The following BICRA variants were observed in gnomAD, a reference collection of about 807,000 sequenced individuals.
BICRA encodes the protein BRD4-interacting chromatin-remodeling complex-associated protein.
In BICRA, 31 loss-of-function variants were observed where a neutral mutation model predicts 96.9. That is an observed-to-expected ratio of 0.32 (90% CI 0.24 to 0.43). The LOEUF (loss-of-function observed/expected upper bound fraction) is 0.43, where lower values mean the gene tolerates loss of function less well. Among genes scored for constraint, BICRA ranks in the 20% least tolerant of loss-of-function variants. BICRA has a pLI of 1.00. For synonymous variants in BICRA, 1,350 were observed against 1,071.8 expected (o/e 1.26, Z -5.07); for missense variants, 2,283 against 2,190.3 (o/e 1.04, Z -0.84).
At chr19:47,660,932 G>A (rs989313026) in intron 1 of BICRA, among the ~76,000 whole-genome samples, 4 of 152,142 alleles carry the variant, frequency 2.6e-5, no homozygotes, top group African/African-American at 4.8e-5. Flanking sequence ...GCACTTTGCC[G>A]GGCGTGGTGG....
chr19:47,637,685 G>A (rs1740617166), intron 1 of BICRA, among the ~76,000 whole-genome samples: 1 of 151,994 alleles, frequency 6.6e-6, no homozygotes, highest in South Asian at 2.1e-4. Context: ...TACCCACTAC[G>A]AAGCCACTCC....
intron 1 of BICRA, among the ~76,000 whole-genome samples, chr19:47,609,627 C>G (rs1341533500): frequency 6.6e-6 from 1 of 151,504 alleles, no homozygotes; most frequent in Non-Finnish European, 1.5e-5. Context: ...CCCGTCCCGG[C>G]CCCCTCCCCT....
At chr19:47,632,967 A>G (rs1335937981) in intron 1 of BICRA, among the ~76,000 whole-genome samples, 1 of 152,022 alleles carries the variant, frequency 6.6e-6, no homozygotes, top group African/African-American at 2.4e-5. Flanking sequence ...AGATGATAGC[A>G]CCAAAGAGTT....
intron 1 of BICRA, among the ~76,000 whole-genome samples, chr19:47,661,428 G>A (rs1972703525): frequency 6.6e-6 from 1 of 151,962 alleles, no homozygotes; most frequent in Non-Finnish European, 1.5e-5. Flanking sequence ...GGTGGCCAGC[G>A]AGGAAGGGGG....
chr19:47,630,255 G>T (rs2123521818), intron 1 of BICRA, among the ~76,000 whole-genome samples: 1 of 151,224 alleles, frequency 6.6e-6, no homozygotes, highest in African/African-American at 2.4e-5. Flanking sequence ...CCGCCTCCTG[G>T]GTTCACGCCA....
chr19:47,617,945 C>T (rs1208202727), intron 1 of BICRA, among the ~76,000 whole-genome samples: 1 of 152,106 alleles, frequency 6.6e-6, no homozygotes, highest in South Asian at 2.1e-4. Flanking sequence ...AGAGTCTGTC[C>T]TGTTCTATGA....
chr19:47,639,420 G>A (rs935911146), intron 1 of BICRA, among the ~76,000 whole-genome samples: 12 of 135,052 alleles, frequency 8.9e-5, no homozygotes, highest in Middle Eastern at 4.4e-3. Flanking sequence ...TCCACCTCCC[G>A]GGTTGACACC....
At chr19:47,651,445 G>A (rs567570841) in intron 1 of BICRA, among the ~76,000 whole-genome samples, 2 of 152,058 alleles carry the variant, frequency 1.3e-5, no homozygotes, top group South Asian at 4.1e-4. Flanking sequence ...TGCACATCCT[G>A]TATGTACCCC....
chr19:47,632,166 AAG>A, intron 1 of BICRA, among the ~76,000 whole-genome samples: 1 of 152,314 alleles, frequency 6.6e-6, no homozygotes, highest in Admixed American at 6.5e-5. Context: ...TTGCTTATGC[AAG>A]AGTGTTTCCA....
chr19:47,657,491 G>T (rs1972636992), intron 1 of BICRA, among the ~76,000 whole-genome samples: 1 of 151,460 alleles, frequency 6.6e-6, no homozygotes, highest in Non-Finnish European at 1.5e-5. Flanking sequence ...CCGCCTCACA[G>T]GTTCATGGCA....
In BICRA at chr19:47,628,579, C is replaced by G. The variant is rs895479474; in HGVS notation, c.-108+19411C>G. The stretch of plus-strand genomic sequence containing the variant: ...CACGACGAAAGTCTTTGCACCATCT[C>G]CTCTTCTTTCCTTTTCCAAAGGTGA... On this transcript the variant is annotated intron_variant, in intron 1 of 14. Transcript: ENST00000594866. Among the ~76,000 whole-genome samples the G allele has an allele frequency of 2.0e-5, 3 of 152,158 alleles. No homozygotes were observed. The South Asian group carries it at 6.2e-4, about 32-fold the overall frequency.
At chr19:47,620,651 CAG>C (rs1326865151) in intron 1 of BICRA, among the ~76,000 whole-genome samples, 2 of 104,468 alleles carry the variant, frequency 1.9e-5, no homozygotes, top group Non-Finnish European at 3.5e-5. Flanking sequence ...GCTTGGGCGA[CAG>C]AGTGAGACTG....
At chr19:47,613,146 T>C (rs1051767492) in intron 1 of BICRA, among the ~76,000 whole-genome samples, 1 of 151,396 alleles carries the variant, frequency 6.6e-6, no homozygotes, top group East Asian at 1.9e-4. Context: ...GGAGGTGGGG[T>C]GTGCCCCAGG....
chr19:47,641,571 G>A (rs1972386494), intron 1 of BICRA, among the ~76,000 whole-genome samples: 1 of 152,106 alleles, frequency 6.6e-6, no homozygotes, highest in Non-Finnish European at 1.5e-5. Flanking sequence ...AGTCGCTTGA[G>A]CCCAGCAGTT....
intron 1 of BICRA, among the ~76,000 whole-genome samples, chr19:47,615,242 A>T (rs1332584152): frequency 6.6e-6 from 1 of 152,122 alleles, no homozygotes; most frequent in African/African-American, 2.4e-5. Context: ...TTGGCCTCCC[A>T]ATGTGCTGGG....
chr19:47,668,029 G>A (rs1336207759), intron 1 of BICRA, among the ~76,000 whole-genome samples: 1 of 149,780 alleles, frequency 6.7e-6, no homozygotes, highest in African/African-American at 2.5e-5. Context: ...CAGGAGTTCA[G>A]ACCAGCCTGG....
intron 1 of BICRA, among the ~76,000 whole-genome samples, chr19:47,613,062 C>T (rs565891396): frequency 2.6e-5 from 4 of 152,226 alleles, no homozygotes; most frequent in South Asian, 2.1e-4. Flanking sequence ...GGGAGAAGTC[C>T]GAGTGAGGCC....
In BICRA at chr19:47,702,771, C is replaced by T. The variant is rs1973489291; in HGVS notation, c.*356C>T. 1.0e-5 allele frequency: 3 copies of T among 294,316 alleles called. No individual in the cohort carries two copies. The highest frequency in any genetic ancestry group is 1.9e-5 in the Non-Finnish European group (3 of 159,212). The allele number at this position is 294,316 out of a possible 1,614,324, so 18.2% of individuals were successfully genotyped here. ...GGCCACCGGGTTGATGCCAACGCTC[C>T]GGGTGCCTGTCTTGTCTGTGTGGCT... On this transcript the variant is annotated 3_prime_UTR_variant, in exon 15 of 15. Transcript: ENST00000594866.
intron 1 of BICRA, among the ~76,000 whole-genome samples, chr19:47,625,899 GCAGCTGCCTTGCTCGA>G (rs771773871): frequency 8.5e-5 from 13 of 152,092 alleles, no homozygotes; most frequent in Non-Finnish European, 1.8e-4. Flanking sequence ...GAGAGCTCTG[GCAGCTGCCTTGCTCGA>G]CATGGAGAGG....
Sources: allele counts gnomAD v4.1 joint callset (sites outside exome capture counted in the v4.1 genomes callset), GRCh38; gene constraint gnomAD v4.1.1; transcripts MANE v1.5; gene names NCBI Gene and HGNC (gene_info 2026-07-23, HGNC 2026-07-21).